The following ANKRD6 variants were observed in gnomAD, a reference collection of about 807,000 sequenced individuals.
ANKRD6 encodes the protein ankyrin repeat domain-containing protein 6.
ANKRD6 carries 56 observed loss-of-function variants against 82.3 expected under a neutral mutation model. The ratio of observed to expected loss-of-function variants is 0.68; its 90% CI spans 0.55 to 0.85. The LOEUF (loss-of-function observed/expected upper bound fraction) is 0.85, where lower values mean the gene tolerates loss of function less well. ANKRD6 is among the 40% of genes least tolerant of loss of function. The pLI is 0.00. For synonymous variants in ANKRD6, 347 were observed against 352.1 expected, an observed-to-expected ratio of 0.99 and a Z score of 0.16; for missense variants, 852 against 907.6, an observed-to-expected ratio of 0.94 and a Z score of 0.79.
In ANKRD6 at chr6:89,575,470, A is replaced by G. The variant is rs181770600; in HGVS notation, c.120+8374A>G. On this transcript the variant is annotated intron_variant, in intron 2 of 15. Transcript: ENST00000339746. ...CCATCATGTTTCCACTATGTGGTTT[A>G]TAAGTTTAGATTGTGAACTTTCTAT... 3.3e-5 allele frequency among the ~76,000 whole-genome samples: 5 copies of G among 152,312 alleles called. No homozygotes were observed. The East Asian group carries it at 7.7e-4, about 24-fold the overall frequency.
intron 1 of ANKRD6, among the ~76,000 whole-genome samples, chr6:89,455,336 T>C (rs748805267): frequency 1.7e-4 from 26 of 152,100 alleles, no homozygotes; most frequent in Non-Finnish European, 3.8e-4. Context: ...CTCAAGGAGC[T>C]TTTACTCATG....
At chr6:89,461,496 T>A (rs1180683776) in intron 1 of ANKRD6, among the ~76,000 whole-genome samples, 1 of 152,354 alleles carries the variant, frequency 6.6e-6, no homozygotes, top group East Asian at 1.9e-4. Flanking sequence ...TTCATGGCTT[T>A]ATGTTAAGCC....
chr6:89,435,417 T>C (rs1191903106), intron 1 of ANKRD6, among the ~76,000 whole-genome samples: 1 of 152,172 alleles, frequency 6.6e-6, no homozygotes, highest in Non-Finnish European at 1.5e-5. Context: ...CTTGCTTATA[T>C]GAAAAACCCT....
intron 1 of ANKRD6, among the ~76,000 whole-genome samples, chr6:89,457,900 A>G (rs1167892729): frequency 6.6e-6 from 1 of 152,174 alleles, no homozygotes; most frequent in Non-Finnish European, 1.5e-5. Flanking sequence ...ATGTGATGGT[A>G]CTAGGAGGTG....
At chr6:89,598,196 C>A in intron 3 of ANKRD6, 1 of 985,402 alleles carries the variant, frequency 1.0e-6, no homozygotes, top group South Asian at 4.7e-5. Flanking sequence ...GAAACCAGTT[C>A]TTTAGATTAT....
chr6:89,623,361 A>C, intron 10 of ANKRD6, 49 bp from the exon 11 acceptor site: 1 of 1,555,076 alleles, frequency 6.4e-7, no homozygotes, highest in Non-Finnish European at 8.7e-7. Flanking sequence ...TTAGTGAAAA[A>C]GGCCAAGGAA....
At chr6:89,591,481 G>A (rs539241176) in intron 2 of ANKRD6, among the ~76,000 whole-genome samples, 1 of 152,312 alleles carries the variant, frequency 6.6e-6, no homozygotes, top group East Asian at 1.9e-4. Flanking sequence ...GCATGGAAAT[G>A]GAAATGAGAG....
At chr6:89,585,555 A>C (rs1226439922) in intron 2 of ANKRD6, among the ~76,000 whole-genome samples, 1 of 152,224 alleles carries the variant, frequency 6.6e-6, no homozygotes, top group Non-Finnish European at 1.5e-5. Context: ...ATAAGCAGAA[A>C]ACTTAGTCTA....
intron 5 of ANKRD6, among the ~76,000 whole-genome samples, chr6:89,610,930 A>G (rs1446430933): frequency 6.6e-6 from 1 of 152,152 alleles, no homozygotes; most frequent in Non-Finnish European, 1.5e-5. Context: ...CCCATCCCCA[A>G]GGCCACATAA....
intron 9 of ANKRD6, among the ~76,000 whole-genome samples, chr6:89,619,103 T>C (rs1287479150): frequency 1.3e-5 from 2 of 152,182 alleles, no homozygotes; most frequent in Non-Finnish European, 2.9e-5. Flanking sequence ...ATGGTTAAGA[T>C]TTTTGTCTTT....
chr6:89,630,660 G>T lies in ANKRD6; in HGVS notation c.1840G>T (p.Val614Phe), dbSNP rs200296488. 6.2e-7 allele frequency: 1 copy of T among 1,613,910 alleles called. No individual in the cohort carries two copies. Among genetic ancestry groups the T allele is most frequent in the Admixed American group, 1.7e-5 (1 of 60,004 alleles). ...ARSDQQAGPC[V>F]NRGTQTKKSG... The stretch of plus-strand genomic sequence containing the variant: ...ATCTGATCAGCAGGCTGGGCCCTGC[G>T]TCAACAGAGGCACTCAAACTAAGAA... Residue 614 changes from valine (V) to phenylalanine (F), a missense_variant, in exon 16 of 16, where the codon GTC becomes TTC. Val to Phe is a conservative substitution (Grantham distance 50). Coordinates refer to ENST00000339746, the MANE Select transcript of ANKRD6 (RefSeq NM_001242809.2).
intron 2 of ANKRD6, among the ~76,000 whole-genome samples, chr6:89,580,514 G>T (rs1384819486): frequency 6.6e-6 from 1 of 152,098 alleles, no homozygotes; most frequent in Non-Finnish European, 1.5e-5. Flanking sequence ...TCAAGAGAAC[G>T]CTGGAAGTCA....
chr6:89,526,901 C>T (rs540026716), intron 1 of ANKRD6, among the ~76,000 whole-genome samples: 53 of 152,346 alleles, frequency 3.5e-4, no homozygotes, highest in African/African-American at 1.3e-3. Flanking sequence ...GTGACTCTCC[C>T]ACCTTGGCCT....
chr6:89,629,522 G>C (rs1806865223), intron 15 of ANKRD6: 1 of 416,990 alleles, frequency 2.4e-6, no homozygotes, highest in South Asian at 2.1e-5. Context: ...TAGTATCAGA[G>C]TGGACCCCAA....
intron 7 of ANKRD6, among the ~76,000 whole-genome samples, chr6:89,614,660 A>G (rs763115904): frequency 2.0e-5 from 3 of 151,958 alleles, no homozygotes; most frequent in Non-Finnish European, 4.4e-5. Context: ...TAAATAAATA[A>G]TAAGTTAATT....
intron 1 of ANKRD6, among the ~76,000 whole-genome samples, chr6:89,553,243 A>G (rs1320177303): frequency 6.6e-6 from 1 of 152,240 alleles, no homozygotes; most frequent in African/African-American, 2.4e-5. Context: ...AACCAGGCCC[A>G]GAAGAGTCAG....
intron 1 of ANKRD6, among the ~76,000 whole-genome samples, chr6:89,446,638 G>A (rs772431846): frequency 2.6e-5 from 4 of 151,420 alleles, no homozygotes; most frequent in Non-Finnish European, 5.9e-5. Flanking sequence ...ATCCCAGCAC[G>A]TTAGGAGGCT....
At chr6:89,465,211 C>T (rs528379267) in intron 1 of ANKRD6, among the ~76,000 whole-genome samples, 4 of 151,548 alleles carry the variant, frequency 2.6e-5, no homozygotes, top group South Asian at 2.1e-4. Flanking sequence ...CCTCTGCCTC[C>T]TGGGTTCAAG....
intron 1 of ANKRD6, among the ~76,000 whole-genome samples, chr6:89,553,726 C>T (rs1045959796): frequency 1.3e-5 from 2 of 152,106 alleles, no homozygotes; most frequent in African/African-American, 4.8e-5. Context: ...GCGTGCCTCT[C>T]GTCTCGCCCT....
Sources: gnomAD v4.1 joint callset for allele counts (sites outside exome capture counted in the v4.1 genomes callset) on GRCh38, gnomAD v4.1.1 for gene constraint, MANE v1.5 for transcripts, NCBI Gene and HGNC (gene_info 2026-07-23, HGNC 2026-07-21) for gene names.